Variants in NARS2 observed in about 807,000 individuals in gnomAD.
NARS2 encodes the protein asparaginyl-tRNA synthetase.
A neutral mutation model predicts 62.9 loss-of-function variants in NARS2; 60 were observed. The observed-to-expected ratio is 0.95, with a 90% CI of 0.77 to 1.18. The LOEUF (loss-of-function observed/expected upper bound fraction) is 1.18. NARS2 is among the 50% of genes most tolerant of loss of function. The pLI is 0.00. For synonymous variants in NARS2, 196 were observed against 200.0 expected (o/e 0.98, Z 0.17); for missense variants, 619 against 576.4 (o/e 1.07, Z -0.76).
In NARS2 at chr11:78,574,391, G is replaced by A. The variant is rs1857043923; in HGVS notation, c.98C>T (p.Ala33Val). 8 of 1,614,228 alleles carry A rather than the reference G, an allele frequency of 5.0e-6. No homozygotes were observed. The highest frequency in any genetic ancestry group is 6.8e-6 in the Non-Finnish European group (8 of 1,180,040). The part of the protein sequence containing the change: ...KPSAKLSVRD[A>V]LGAQNASGER... ...CCCACTCGCGTTCTGAGCCCCGAGA[G>A]CGTCCCGCACGCTCAGTTTGGCTGA... The change falls in exon 1 of 14, where the codon GCT becomes GTT. Residue 33 changes from alanine to valine, a missense_variant. Transcript: ENST00000281038.
chr11:78,546,116 G>T (rs771565858), intron 5 of NARS2, among the ~76,000 whole-genome samples: 1 of 152,096 alleles, frequency 6.6e-6, no homozygotes, highest in African/African-American at 2.4e-5. Context: ...AATGGCTGCC[G>T]GCACTGGAGT....
intron 5 of NARS2, among the ~76,000 whole-genome samples, chr11:78,548,032 C>T (rs1244137685): frequency 6.6e-6 from 1 of 152,206 alleles, no homozygotes; most frequent in Non-Finnish European, 1.5e-5. Context: ...CCAGCCTAGG[C>T]AACATAATGA....
intron 2 of NARS2, among the ~76,000 whole-genome samples, chr11:78,569,241 T>C (rs1057184524): frequency 1.3e-5 from 2 of 152,236 alleles, no homozygotes; most frequent in African/African-American, 2.4e-5. Context: ...GTATGACAAC[T>C]ATGGAAAGTC....
intron 13 of NARS2, among the ~76,000 whole-genome samples, chr11:78,437,557 TG>T (rs1194982712): frequency 6.6e-6 from 1 of 152,152 alleles, no homozygotes; most frequent in African/African-American, 2.4e-5. Flanking sequence ...CAGACATGAC[TG>T]AAACTCAGAT....
At chr11:78,522,291 G>T (rs1397699239) in intron 6 of NARS2, among the ~76,000 whole-genome samples, 1 of 152,000 alleles carries the variant, frequency 6.6e-6, no homozygotes, top group East Asian at 1.9e-4. Flanking sequence ...TGGTAAAATT[G>T]GTTGTGTAAG....
intron 6 of NARS2, among the ~76,000 whole-genome samples, chr11:78,509,867 G>T (rs1860652670): frequency 6.7e-6 from 1 of 149,974 alleles, no homozygotes; most frequent in South Asian, 2.1e-4. Context: ...AGAAAAGAAA[G>T]TGAGAGTTTT....
chr11:78,503,893 G>C (rs1463779625), intron 6 of NARS2, among the ~76,000 whole-genome samples: 1 of 152,198 alleles, frequency 6.6e-6, no homozygotes, highest in Middle Eastern at 3.2e-3. Flanking sequence ...TGCCATGCCA[G>C]GCCTTGTAGG....
At chr11:78,554,189 T>C (rs1334269009) in intron 5 of NARS2, among the ~76,000 whole-genome samples, 2 of 152,218 alleles carry the variant, frequency 1.3e-5, no homozygotes, top group Non-Finnish European at 2.9e-5. Context: ...TTGTTCTTTT[T>C]GCTTAGGATT....
intron 1 of NARS2, among the ~76,000 whole-genome samples, chr11:78,572,051 G>A (rs1014072179): frequency 3.3e-5 from 5 of 152,048 alleles, no homozygotes; most frequent in East Asian, 1.9e-4. Flanking sequence ...GAGTGTTGGC[G>A]CTCGTTTGTA....
chr11:78,539,626 A>G (rs1590833523), intron 5 of NARS2, among the ~76,000 whole-genome samples: 1 of 152,120 alleles, frequency 6.6e-6, no homozygotes, highest in Admixed American at 6.5e-5. Context: ...GGCAGTCAGT[A>G]TGTAGATGGT....
At chr11:78,523,048 C>T (rs1861184132) in intron 6 of NARS2, among the ~76,000 whole-genome samples, 1 of 152,106 alleles carries the variant, frequency 6.6e-6, no homozygotes, top group African/African-American at 2.4e-5. Flanking sequence ...TAATAAAGGA[C>T]TTGTATGCAG....
intron 5 of NARS2, among the ~76,000 whole-genome samples, chr11:78,531,985 T>C (rs975442847): frequency 6.6e-6 from 1 of 152,182 alleles, no homozygotes; most frequent in African/African-American, 2.4e-5. Flanking sequence ...ATGTACTAAA[T>C]GCCACTGAAA....
At chr11:78,500,770 T>C (rs1227901252) in intron 6 of NARS2, among the ~76,000 whole-genome samples, 1 of 152,228 alleles carries the variant, frequency 6.6e-6, no homozygotes, top group Non-Finnish European at 1.5e-5. Flanking sequence ...CTAAAATTGA[T>C]AAATTAAAAT....
intron 7 of NARS2, among the ~76,000 whole-genome samples, chr11:78,481,574 A>T (rs1281976796): frequency 6.6e-6 from 1 of 152,154 alleles, no homozygotes; most frequent in East Asian, 1.9e-4. Flanking sequence ...CAGAATAAGA[A>T]AATCTCTGGC....
intron 7 of NARS2, among the ~76,000 whole-genome samples, chr11:78,484,919 A>G (rs192889532): frequency 6.6e-6 from 1 of 152,228 alleles, no homozygotes; most frequent in East Asian, 1.9e-4. Flanking sequence ...TCTACTTTAT[A>G]AAGACACATG....
chr11:78,570,966 A>G (rs917697392), intron 2 of NARS2, among the ~76,000 whole-genome samples: 2 of 152,236 alleles, frequency 1.3e-5, no homozygotes, highest in Non-Finnish European at 2.9e-5. Flanking sequence ...GGAACATCAG[A>G]TGATGCCTAA....
At chr11:78,544,986 T>C (rs796970902) in intron 5 of NARS2, among the ~76,000 whole-genome samples, 13 of 152,174 alleles carry the variant, frequency 8.5e-5, no homozygotes, top group African/African-American at 2.9e-4. Context: ...GTTCATGATA[T>C]GTGAGTCACC....
intron 5 of NARS2, among the ~76,000 whole-genome samples, chr11:78,547,562 G>A (rs1244704179): frequency 6.6e-6 from 1 of 152,206 alleles, no homozygotes; most frequent in East Asian, 1.9e-4. Flanking sequence ...TATAAGCCAG[G>A]CATGGTGGCT....
chr11:78,487,625 T>C (rs1470249645), intron 7 of NARS2, among the ~76,000 whole-genome samples: 2 of 151,616 alleles, frequency 1.3e-5, no homozygotes, highest in Non-Finnish European at 2.9e-5. Context: ...CAGGATAAAC[T>C]CGAAGAAAAT....
Sources: allele counts gnomAD v4.1 joint callset (sites outside exome capture counted in the v4.1 genomes callset), GRCh38; gene constraint gnomAD v4.1.1; transcripts MANE v1.5; gene names NCBI Gene and HGNC (gene_info 2026-07-23, HGNC 2026-07-21).